Variants in GCA observed in about 807,000 individuals in gnomAD.
GCA encodes grancalcin, EF-hand calcium-binding protein.
GCA carries 30 observed loss-of-function variants against 32.6 expected under a neutral mutation model. The observed-to-expected ratio is 0.92, with a 90% confidence interval of 0.69 to 1.25. The LOEUF (loss-of-function observed/expected upper bound fraction) is 1.25, where lower values mean the gene tolerates loss of function less well. GCA is among the 50% of genes most tolerant of loss of function. The pLI is 0.00. For missense variants in GCA, 291 were observed against 266.8 expected, an observed-to-expected ratio of 1.09 and a Z score of -0.63; for synonymous variants, 102 against 84.6, an observed-to-expected ratio of 1.21 and a Z score of -1.13.
rs555080660 is a variant in GCA, at chr2:162,360,398, A to G, written c.*155A>G. On this transcript the variant is annotated 3_prime_UTR_variant, in exon 8 of 8. Coordinates refer to ENST00000437150, the MANE Select transcript of GCA (RefSeq NM_012198.5). ...TGTTTTTATTTTAGCAGATAGTTCAAAGCAATAAAAGATTTCTTTTTTAAT... is the reference window on the plus strand; with the variant it reads ...TGTTTTTATTTTAGCAGATAGTTCAGAGCAATAAAAGATTTCTTTTTTAAT... 2.3e-6 allele frequency: 3 copies of G among 1,288,648 alleles called. No homozygotes were observed. Among genetic ancestry groups the G allele is most frequent in the Non-Finnish European group, 3.0e-6 (3 of 999,052 alleles). 79.8% of individuals were successfully genotyped at this position (1,288,648 alleles called of 1,614,324 possible). A position where few individuals can be genotyped will look rare whatever the true frequency, so the allele number is the denominator to read the frequency against.
intron 1 of GCA, among the ~76,000 whole-genome samples, chr2:162,334,688 T>G (rs1181070445): frequency 6.6e-6 from 1 of 152,208 alleles, no homozygotes; most frequent in East Asian, 1.9e-4. Flanking sequence ...CCATTCCTAG[T>G]AAGCTATAAG....
intron 1 of GCA, among the ~76,000 whole-genome samples, chr2:162,323,443 T>C (rs2105254176): frequency 6.6e-6 from 1 of 151,996 alleles, no homozygotes; most frequent in South Asian, 2.1e-4. Context: ...TTGGCTTTTG[T>C]TGCCATTGCT....
chr2:162,328,133 T>C (rs1683952699), intron 1 of GCA, among the ~76,000 whole-genome samples: 1 of 149,178 alleles, frequency 6.7e-6, no homozygotes, highest in Non-Finnish European at 1.5e-5. Flanking sequence ...GACACACCAG[T>C]ACTTTGGTAG....
chr2:162,349,273 T>G (rs760632623), intron 2 of GCA, among the ~76,000 whole-genome samples: 1 of 152,100 alleles, frequency 6.6e-6, no homozygotes, highest in Non-Finnish European at 1.5e-5. Context: ...ATGTAAATCT[T>G]CAGCCTGTAC....
Position 162,360,271 on chromosome 2 carries a change from C to A in GCA, c.*28C>A. 6.3e-7 allele frequency: 1 copy of A among 1,578,930 alleles called. No individual in the cohort carries two copies. The highest frequency in any genetic ancestry group is 8.6e-7 in the Non-Finnish European group (1 of 1,158,488). On this transcript the variant is annotated 3_prime_UTR_variant, in exon 8 of 8. Coordinates refer to ENST00000437150, the MANE Select transcript of GCA (RefSeq NM_012198.5). ...GCTTAGAATTTTAAACCTGAAGAGA[C>A]ACTGTGAATTCTTTTGTTTGGAAGA...
At chr2:162,330,398 C>T (rs1684034550) in intron 1 of GCA, among the ~76,000 whole-genome samples, 1 of 152,206 alleles carries the variant, frequency 6.6e-6, no homozygotes, top group African/African-American at 2.4e-5. Context: ...GGCAACGCTG[C>T]AGTAGGTCAA....
In GCA at chr2:162,360,322, T is replaced by G; in HGVS notation, c.*79T>G. ...AGTGAACTGGACTACTTTAAAACTTTTAAGGGTTTTCTATGTTCTTCCTAC... is the reference window on the plus strand; with the variant it reads ...AGTGAACTGGACTACTTTAAAACTTGTAAGGGTTTTCTATGTTCTTCCTAC... On this transcript the variant is annotated 3_prime_UTR_variant, in exon 8 of 8. Coordinates refer to ENST00000437150, the MANE Select transcript of GCA (RefSeq NM_012198.5). 1.3e-6 allele frequency: 2 copies of G among 1,531,488 alleles called. No individual in the cohort carries two copies. The highest frequency in any genetic ancestry group is 1.7e-6 in the Non-Finnish European group (2 of 1,143,590). The allele number at this position is 1,531,488 out of a possible 1,614,324, so 94.9% of individuals were successfully genotyped here. A position where few individuals can be genotyped will look rare whatever the true frequency, so the allele number is the denominator to read the frequency against.
intron 4 of GCA, among the ~76,000 whole-genome samples, chr2:162,371,006 A>G (rs1685916266): frequency 6.6e-6 from 1 of 152,056 alleles, no homozygotes; most frequent in African/African-American, 2.4e-5. Context: ...TTGCTTTAAA[A>G]TGTGAATCAC....
upstream of GCA, among the ~76,000 whole-genome samples, chr2:162,342,223 T>G (rs1271463237): frequency 2.0e-5 from 3 of 152,194 alleles, no homozygotes; most frequent in Non-Finnish European, 4.4e-5. Context: ...AGTCCTCCTC[T>G]GCATCTTCAT....
intron 3 of GCA, 74 bp downstream of exon 3, chr2:162,352,481 TA>T: frequency 2.2e-6 from 2 of 891,574 alleles, no homozygotes; most frequent in South Asian, 1.4e-5. Flanking sequence ...TCCCTGTAAT[TA>T]AAATGTTTAA....
Position 162,356,471 on chromosome 2 carries a change from C to A in GCA, c.296C>A (p.Ala99Asp). The A allele has an allele frequency of 6.4e-7, 1 of 1,567,486 alleles. No individual in the cohort carries two copies. Among genetic ancestry groups the A allele is most frequent in the Non-Finnish European group, 8.8e-7 (1 of 1,138,422 alleles). ...FSLETCRIMI[A>D]MLDRDHTGKM... ...TTGGAAACCTGCAGAATTATGATTG[C>A]CATGTTGGATGTATCCTTGAATAGA... The change falls in exon 4 of 8, where the codon GCC becomes GAC. Residue 99 changes from alanine (A) to aspartate (D), a missense_variant. Transcript: ENST00000437150.
intron 1 of GCA, among the ~76,000 whole-genome samples, chr2:162,337,067 C>T (rs1684292715): frequency 2.0e-5 from 3 of 152,118 alleles, no homozygotes; most frequent in African/African-American, 7.2e-5. Context: ...CATTTTCCAC[C>T]TGCCCATAAA....
chr2:162,362,555 A>G lies in GCA; in HGVS notation c.*2312A>G. On this transcript the variant is annotated 3_prime_UTR_variant, in exon 8 of 8. Transcript: ENST00000437150. ...ATTGAATAATGTACACTCTTAATGT[A>G]TAAGTGCTTTTATTTATACAGTAAA... The G allele has an allele frequency of 8.4e-6, 8 of 956,448 alleles. No individual in the cohort carries two copies. The highest frequency in any genetic ancestry group is 1.0e-5 in the Non-Finnish European group (8 of 803,632). 59.2% of individuals were successfully genotyped at this position (956,448 alleles called of 1,614,324 possible). A position where few individuals can be genotyped will look rare whatever the true frequency, so the allele number is the denominator to read the frequency against.
At chr2:162,373,095 C>T (rs1206727641), downstream of GCA, among the ~76,000 whole-genome samples, 3 of 152,098 alleles carry the variant, frequency 2.0e-5, no homozygotes, top group East Asian at 1.9e-4. Flanking sequence ...TTCTTTGAAG[C>T]TCTTTTGGGA....
In GCA at chr2:162,331,022, A is replaced by C. The variant is rs993591677; in HGVS notation, c.-31+11797A>C. Among the ~76,000 whole-genome samples, 198 of 152,210 alleles carry C rather than the reference A, an allele frequency of 1.3e-3. 2 individuals carry two copies. The highest frequency in any genetic ancestry group is 1.6e-4 in the Non-Finnish European group (11 of 68,034). On this transcript the variant is annotated intron_variant, in intron 1 of 4. Coordinates refer to the GCA transcript ENST00000429691. ...CACAACCAATTGCACTATGACTCAT[A>C]CCTGAACAAAGCTTACCTAACATAC...
At position 162,361,764 on chromosome 2, in the gene GCA, T is replaced by C; in HGVS notation, c.*1521T>C. The C allele has an allele frequency of 1.0e-6, 1 of 984,074 alleles. No homozygotes were observed. Among genetic ancestry groups the C allele is most frequent in the African/African-American group, 1.7e-5 (1 of 57,262 alleles). 61.0% of individuals were successfully genotyped at this position (984,074 alleles called of 1,614,324 possible). On this transcript the variant is annotated 3_prime_UTR_variant, in exon 8 of 8. Coordinates refer to ENST00000437150, the MANE Select transcript of GCA (RefSeq NM_012198.5). Reference sequence around the variant, plus strand: ...ATATATTTGATAATGTGAGAGGACATTAACTGAGCTGGGAAATTAAAGAAA... The same window carrying C: ...ATATATTTGATAATGTGAGAGGACACTAACTGAGCTGGGAAATTAAAGAAA...
At chr2:162,363,647 A>G (rs1263582688), downstream of GCA, among the ~76,000 whole-genome samples, 1 of 151,414 alleles carries the variant, frequency 6.6e-6, no homozygotes, top group Non-Finnish European at 1.5e-5. Context: ...ACACTGGGAA[A>G]CTTAGGAAAA....
chr2:162,351,192 C>T (rs1684980665), intron 2 of GCA, among the ~76,000 whole-genome samples: 1 of 152,144 alleles, frequency 6.6e-6, no homozygotes, highest in Non-Finnish European at 1.5e-5. Context: ...CACAGTAATA[C>T]CAACAACTTT....
rs375169873 is a variant in GCA, at chr2:162,359,549, C to T, written c.624C>T (p.Asp208=). The T allele has an allele frequency of 5.8e-5, 87 of 1,504,412 alleles. No homozygotes were observed. Among genetic ancestry groups the T allele is most frequent in the Admixed American group, 5.2e-5 (3 of 57,766 alleles). The allele number at this position is 1,504,412 out of a possible 1,614,324, so 93.2% of individuals were successfully genotyped here. A position where few individuals can be genotyped will look rare whatever the true frequency, so the allele number is the denominator to read the frequency against. The change falls in exon 7 of 8, where the codon GAC becomes GAT. Residue 208 remains aspartate (D), a synonymous_variant. Transcript: ENST00000437150. ...AAGGGTCTGCGAATTTCATATATGA[C>T]GATGTGAGTATCCTGCTTTTGATAT... ...LQQGSANFIY[D]DFLQGTMAI
Sources: gnomAD v4.1 joint callset for allele counts (sites outside exome capture counted in the v4.1 genomes callset) on GRCh38, gnomAD v4.1.1 for gene constraint, MANE v1.5 for transcripts, NCBI Gene and HGNC (gene_info 2026-07-23, HGNC 2026-07-21) for gene names.